Variants in CD177 observed in about 807,000 individuals in gnomAD.
The protein encoded by CD177 is CD177 antigen.
A neutral mutation model predicts 38.1 loss-of-function variants in CD177; 41 were observed. The observed-to-expected ratio is 1.07, with a 90% confidence interval of 0.84 to 1.39. The LOEUF (loss-of-function observed/expected upper bound fraction) is 1.39, where lower values mean the gene tolerates loss of function less well. CD177 is among the 40% of genes most tolerant of loss of function. CD177 has a pLI of 0.00. For missense variants in CD177, 619 were observed against 523.8 expected (o/e 1.18, Z -1.77); for synonymous variants, 236 against 216.7 (o/e 1.09, Z -0.78).
intron 5 of CD177, 121 bp downstream of exon 5, chr19:43,356,229 C>T: frequency 3.6e-6 from 1 of 276,550 alleles, no homozygotes; most frequent in Non-Finnish European, 6.3e-6. Context: ...GGGTGGGTTG[C>T]TTGGCATGTG....
At chr19:43,354,614 C>G in intron 3 of CD177, 1 of 600,132 alleles carries the variant, frequency 1.7e-6, no homozygotes, top group South Asian at 2.0e-5. Flanking sequence ...ACCCGGGAAT[C>G]CCCGCACCCC....
chr19:43,360,047 G>A (rs542582991), intron 5 of CD177, among the ~76,000 whole-genome samples: 2 of 152,040 alleles, frequency 1.3e-5, no homozygotes, highest in South Asian at 2.1e-4. Flanking sequence ...CCCCAGGGCT[G>A]TGAGAGGACG....
intron 3 of CD177, chr19:43,355,439 G>A (rs533079906): frequency 3.8e-6 from 2 of 526,296 alleles, no homozygotes; most frequent in South Asian, 1.5e-5. Context: ...CCAGCCCTGG[G>A]TGCCTCTACC....
intron 3 of CD177, among the ~76,000 whole-genome samples, chr19:43,355,019 C>T (rs184546833): frequency 4.9e-4 from 72 of 146,600 alleles, no homozygotes; most frequent in Middle Eastern, 3.5e-3. Flanking sequence ...ATGTCTGAGT[C>T]TACATTTGGC....
At chr19:43,354,119 C>T (rs918329139) in intron 2 of CD177, 88 bp from the exon 3 acceptor site, 1 of 1,563,270 alleles carries the variant, frequency 6.4e-7, no homozygotes, top group South Asian at 1.2e-5. Context: ...CCTTTCCAGC[C>T]TCTCAGCCTA....
Position 43,362,711 on chromosome 19 carries a change from C to A in CD177, c.*391C>A, listed in dbSNP as rs1250736019. ...ATTGGTCTGGTTCACGTCTCCAAAC[C>A]AGCTTGGATGGTAGCAGAGACTTCA... On this transcript the variant is annotated 3_prime_UTR_variant, in exon 9 of 9. Transcript: ENST00000618265. 6.4e-6 allele frequency: 1 copy of A among 157,202 alleles called. No homozygotes were observed. The highest frequency in any genetic ancestry group is 1.4e-5 in the Non-Finnish European group (1 of 71,534). The allele number at this position is 157,202 out of a possible 1,614,324, so 9.7% of individuals were successfully genotyped here. A position where few individuals can be genotyped will look rare whatever the true frequency, so the allele number is the denominator to read the frequency against.
At chr19:43,365,916 C>T (rs1970022570), downstream of CD177, among the ~76,000 whole-genome samples, 1 of 152,164 alleles carries the variant, frequency 6.6e-6, no homozygotes. Context: ...CTGGAGGCTG[C>T]TGTGCATGCC....
At chr19:43,364,152 AAC>A (rs1248887291), downstream of CD177, among the ~76,000 whole-genome samples, 2 of 152,184 alleles carry the variant, frequency 1.3e-5, no homozygotes, top group African/African-American at 4.8e-5. Flanking sequence ...CTGTCACAGT[AAC>A]AGTGTGTGAT....
At position 43,360,336 on chromosome 19, in the gene CD177, A is replaced by G. The variant is rs373808301; in HGVS notation, c.691A>G (p.Thr231Ala). The G allele has an allele frequency of 7.1e-5, 115 of 1,612,372 alleles. No homozygotes were observed. The African/African-American group carries it at 7.5e-4, about 10-fold the overall frequency. ...CTTGGCTCAAGAACCCACTGATTGG[A>G]CCACATCGAATACCGAGATGTGCGA... ...GNLAQEPTDW[T>A]TSNTEMCEVG... Residue 231 changes from threonine (T) to alanine (A), a missense_variant, in exon 6 of 9, where the codon ACC (threonine) becomes GCC (alanine). Thr to Ala is a moderately conservative substitution (Grantham distance 58, BLOSUM62 0). Transcript: ENST00000618265.
chr19:43,355,820 A>G, intron 4 of CD177, 37 bp downstream of exon 4: 2 of 1,612,364 alleles, frequency 1.2e-6, no homozygotes, highest in Non-Finnish European at 1.7e-6. Flanking sequence ...TGGGGACTGA[A>G]CTGGAAGGTC....
intron 2 of CD177, 75 bp downstream of exon 2, chr19:43,354,068 C>T (rs1297171577): frequency 1.3e-6 from 2 of 1,575,574 alleles, no homozygotes; most frequent in Non-Finnish European, 1.7e-6. Flanking sequence ...GACCCGGGAG[C>T]CACCCCTCCG....
At chr19:43,354,491 T>C in intron 3 of CD177, 99 bp downstream of exon 3, 1 of 1,280,164 alleles carries the variant, frequency 7.8e-7, no homozygotes, top group Non-Finnish European at 1.1e-6. Context: ...CCTCGCTCGC[T>C]ATCCCGACCC....
intron 2 of CD177, 81 bp downstream of exon 2, chr19:43,354,074 C>A (rs1200456293): frequency 6.3e-7 from 1 of 1,574,916 alleles, no homozygotes; most frequent in African/African-American, 1.4e-5. Context: ...GGAGCCACCC[C>A]TCCGGGGGAT....
In CD177 at chr19:43,354,347, A is replaced by T; in HGVS notation, c.334A>T (p.Asn112Tyr). 1.2e-6 allele frequency: 2 copies of T among 1,613,778 alleles called. No individual in the cohort carries two copies. The highest frequency in any genetic ancestry group is 2.7e-5 in the African/African-American group (2 of 74,920). Residue 112 changes from asparagine to tyrosine, a missense_variant, in exon 3 of 9, where the codon AAC (asparagine) becomes TAC (tyrosine). By Grantham distance (143) the Asn-to-Tyr change is moderately radical. Transcript: ENST00000618265. ...FVCRQEDFCN[N>Y]LVNSLPLWAP... ...GTGCCGCCAGGAGGACTTCTGCAAC[A>T]ACCTCGTTAACTCCCTCCCGCTTTG...
chr19:43,362,044 G>A (rs201873534), intron 8 of CD177, 44 bp from the exon 9 acceptor site: 1 of 1,556,344 alleles, frequency 6.4e-7, no homozygotes, highest in African/African-American at 1.4e-5. Context: ...CAACTTGGCT[G>A]GGCTGTACTC....
chr19:43,362,449 C>A lies in CD177; in HGVS notation c.*129C>A, dbSNP rs1393449496. On this transcript the variant is annotated 3_prime_UTR_variant, in exon 9 of 9. Transcript: ENST00000618265. ...GTCCATGAATCATCTTCCCCACACA[C>A]AATCATTCATATCTACTCACCTAAC... 1.2e-5 allele frequency: 7 copies of A among 580,218 alleles called. No individual in the cohort carries two copies. The Admixed American group carries it at 2.1e-4, about 18-fold the overall frequency. 35.9% of individuals were successfully genotyped at this position (580,218 alleles called of 1,614,324 possible).
rs772517528 is a variant in CD177 at position 43,362,196 on chromosome 19, A to G, written c.1190A>G (p.Asp397Gly). 1.9e-6 allele frequency: 3 copies of G among 1,612,244 alleles called. No individual in the cohort carries two copies. The African/African-American group carries it at 4.0e-5, about 22-fold the overall frequency. ...ATCTTCTCTGCGCGTGAGAAGCGTG[A>G]TGTGCAGCCTCCTGCCTCTCAGCAT... The part of the protein sequence containing the change: ...IGIFSAREKR[D>G]VQPPASQHEG... The change falls in exon 9 of 9, where the codon GAT becomes GGT. Residue 397 changes from aspartate to glycine, a missense_variant. Asp to Gly is a moderately conservative substitution (Grantham distance 94). Coordinates refer to ENST00000618265, the MANE Select transcript of CD177 (RefSeq NM_020406.4).
chr19:43,361,823 G>A (rs1969971948), intron 8 of CD177, among the ~76,000 whole-genome samples: 1 of 150,352 alleles, frequency 6.7e-6, no homozygotes, highest in Non-Finnish European at 1.5e-5. Flanking sequence ...CTGGTCTGAG[G>A]GAGGAGGGGC....
Position 43,355,623 on chromosome 19 carries a change from C to T in CD177, c.380-38C>T, listed in dbSNP as rs181035673. On this transcript the variant is annotated intron_variant, in intron 3 of 8. Transcript: ENST00000618265. ...AAGGTATCTGATCAAATCCAGTGCC[C>T]TCTCAGTGCCCCCTCACTCTGTCTG... The T allele has an allele frequency of 1.2e-5, 20 of 1,610,706 alleles. No homozygotes were observed. The Admixed American group carries it at 3.2e-4, about 26-fold the overall frequency.
Sources: allele counts gnomAD v4.1 joint callset (sites outside exome capture counted in the v4.1 genomes callset), GRCh38; gene constraint gnomAD v4.1.1; transcripts MANE v1.5; gene names NCBI Gene and HGNC (gene_info 2026-07-23, HGNC 2026-07-21).